CPNE4: variants seen among roughly 807,000 people sequenced by gnomAD.
CPNE4 encodes the protein copine 4.
CPNE4 carries 25 observed loss-of-function variants against 67.9 expected under a neutral mutation model. The observed-to-expected ratio is 0.37, with a 90% confidence interval of 0.27 to 0.51. The LOEUF (loss-of-function observed/expected upper bound fraction) is 0.51. CPNE4 is among the 20% of genes least tolerant of loss of function. CPNE4 has a pLI of 0.93. For missense variants in CPNE4, 464 were observed against 690.8 expected (o/e 0.67, Z 3.68); for synonymous variants, 242 against 244.9 (o/e 0.99, Z 0.11).
At chr3:131,885,183 A>C (rs1219761845) in intron 2 of CPNE4, among the ~76,000 whole-genome samples, 1 of 152,188 alleles carries the variant, frequency 6.6e-6, no homozygotes, top group Non-Finnish European at 1.5e-5. Context: ...AGGTGGTCTC[A>C]AATGGAGATG....
At chr3:131,902,790 T>G (rs567062990) in intron 2 of CPNE4, among the ~76,000 whole-genome samples, 178 of 152,242 alleles carry the variant, frequency 1.2e-3, no homozygotes, top group Non-Finnish European at 2.1e-3. Context: ...AGTTACTTTT[T>G]TATAATGTAG....
At chr3:131,552,532 A>G in intron 12 of CPNE4, 41 bp from the exon 13 acceptor site, 2 of 1,555,768 alleles carry the variant, frequency 1.3e-6, no homozygotes, top group Non-Finnish European at 1.8e-6. Flanking sequence ...AAGAAAGAAG[A>G]ATTACAACTT....
At chr3:131,595,775 T>G (rs1399007098) in intron 7 of CPNE4, among the ~76,000 whole-genome samples, 4 of 152,054 alleles carry the variant, frequency 2.6e-5, no homozygotes, top group Non-Finnish European at 4.4e-5. Flanking sequence ...CCAAGCCCCA[T>G]CTCCAACATT....
At chr3:131,551,161 T>C (rs1445178762) in intron 13 of CPNE4, among the ~76,000 whole-genome samples, 1 of 152,088 alleles carries the variant, frequency 6.6e-6, no homozygotes, top group African/African-American at 2.4e-5. Context: ...CACTGCAAAA[T>C]AGCTCTTGGG....
intron 10 of CPNE4, among the ~76,000 whole-genome samples, chr3:131,565,163 C>T (rs146840058): frequency 5.9e-4 from 89 of 152,090 alleles, no homozygotes; most frequent in African/African-American, 2.1e-3. Context: ...AACACTTCTT[C>T]TAATTTCCAA....
intron 2 of CPNE4, among the ~76,000 whole-genome samples, chr3:131,850,911 G>A (rs978300859): frequency 2.6e-5 from 4 of 152,010 alleles, no homozygotes; most frequent in Admixed American, 2.6e-4. Context: ...TAACCATTTT[G>A]CTGGGATAAT....
intron 1 of CPNE4, among the ~76,000 whole-genome samples, chr3:131,996,734 T>C (rs2073304222): frequency 1.3e-5 from 2 of 151,980 alleles, no homozygotes; most frequent in African/African-American, 4.8e-5. Flanking sequence ...TGGGATTTCA[T>C]TGTCATAGTT....
intron 1 of CPNE4, among the ~76,000 whole-genome samples, chr3:131,981,705 G>C (rs569510489): frequency 4.6e-5 from 7 of 152,342 alleles, no homozygotes; most frequent in African/African-American, 1.7e-4. Flanking sequence ...TTGGATCACT[G>C]TGGTGCCAGG....
intron 3 of CPNE4, among the ~76,000 whole-genome samples, chr3:131,708,957 G>GATTATAT (rs1472179364): frequency 8.5e-4 from 56 of 65,844 alleles, no homozygotes; most frequent in African/African-American, 2.5e-3. Context: ...AGGGCATAAA[G>GATTATAT]ATATATATAT....
In CPNE4 at chr3:131,648,897, A is replaced by G. The variant is rs535227615; in HGVS notation, c.681+20778T>C. Among the ~76,000 whole-genome samples the G allele has an allele frequency of 6.6e-5, 10 of 152,192 alleles. No individual in the cohort carries two copies. In the East Asian group the frequency reaches 1.9e-3, roughly 29 times the overall value. Reference sequence around the variant, plus strand: ...CCCAATTCCTGTAAGTAGGTGGAAGAAAAGTCCTGCCTGTCTTCCTGTCAT... The same window carrying G: ...CCCAATTCCTGTAAGTAGGTGGAAGGAAAGTCCTGCCTGTCTTCCTGTCAT... On this transcript the variant is annotated intron_variant, in intron 7 of 15. Coordinates refer to ENST00000429747, the MANE Select transcript of CPNE4 (RefSeq NM_130808.3).
chr3:131,809,550 A>AG (rs397785569), intron 2 of CPNE4, among the ~76,000 whole-genome samples: 2 of 151,614 alleles, frequency 1.3e-5, no homozygotes, highest in African/African-American at 4.9e-5. Flanking sequence ...ACCCAGAAAA[A>AG]GTGAGGTCAA....
upstream of CPNE4, chr3:132,037,754 C>A: frequency 1.6e-6 from 1 of 633,924 alleles, no homozygotes. Flanking sequence ...GTGTCTTATG[C>A]CAATATGAAA....
intron 1 of CPNE4, among the ~76,000 whole-genome samples, chr3:132,015,287 A>G (rs955537792): frequency 6.6e-6 from 1 of 152,212 alleles, no homozygotes; most frequent in Non-Finnish European, 1.5e-5. Flanking sequence ...GTTAAATAAA[A>G]TAATATCAAA....
chr3:131,813,656 GT>G (rs939803811), intron 2 of CPNE4, among the ~76,000 whole-genome samples: 2 of 151,932 alleles, frequency 1.3e-5, no homozygotes. Flanking sequence ...AGAGAAACAG[GT>G]TAACCATTTT....
At chr3:131,634,794 G>A (rs2079332565) in intron 7 of CPNE4, among the ~76,000 whole-genome samples, 1 of 152,134 alleles carries the variant, frequency 6.6e-6, no homozygotes, top group Non-Finnish European at 1.5e-5. Context: ...GACTATCCTA[G>A]GTCTTATGTC....
intron 1 of CPNE4, among the ~76,000 whole-genome samples, chr3:131,933,585 A>ATTATGG (rs2107835939): frequency 6.6e-6 from 1 of 152,288 alleles, no homozygotes; most frequent in South Asian, 2.1e-4. Context: ...TCTTATATTC[A>ATTATGG]CTGCAGCATT....
chr3:131,646,227 C>G (rs577199573), intron 7 of CPNE4, among the ~76,000 whole-genome samples: 11 of 152,248 alleles, frequency 7.2e-5, no homozygotes, highest in African/African-American at 2.6e-4. Flanking sequence ...GATTCTTTTC[C>G]CCTTCCAGAG....
intron 2 of CPNE4, among the ~76,000 whole-genome samples, chr3:131,775,067 G>A (rs2083260233): frequency 6.6e-6 from 1 of 151,952 alleles, no homozygotes; most frequent in South Asian, 2.1e-4. Context: ...TTCTTACCTA[G>A]ATCTCTTTCC....
At position 131,611,318 on chromosome 3, in the gene CPNE4, C is replaced by G. The variant is rs190735534; in HGVS notation, c.682-23736G>C. On this transcript the variant is annotated intron_variant, in intron 7 of 15. Coordinates refer to ENST00000429747, the MANE Select transcript of CPNE4 (RefSeq NM_130808.3). Reference sequence around the variant, plus strand: ...TTAAATTTATCACTATTTGCTATACCCTTATTTATAATAGTGCCCAAGAGT... The same window carrying G: ...TTAAATTTATCACTATTTGCTATACGCTTATTTATAATAGTGCCCAAGAGT... 1.8e-3 allele frequency among the ~76,000 whole-genome samples: 270 copies of G among 152,124 alleles called. 2 individuals are homozygous for G. The highest frequency in any genetic ancestry group is 2.2e-4 in the Non-Finnish European group (15 of 67,996).
Sources: allele counts gnomAD v4.1 joint callset (sites outside exome capture counted in the v4.1 genomes callset), GRCh38; gene constraint gnomAD v4.1.1; transcripts MANE v1.5; gene names NCBI Gene and HGNC (gene_info 2026-07-23, HGNC 2026-07-21).